The following LRP1B variants were observed in gnomAD, a reference collection of about 807,000 sequenced individuals.
LRP1B encodes LDL receptor related protein 1B, also known as low-density lipoprotein receptor-related protein 1B.
LRP1B carries 217 observed loss-of-function variants against 556.6 expected under a neutral mutation model. The ratio of observed to expected loss-of-function variants is 0.39; its 90% CI spans 0.35 to 0.44. The LOEUF is 0.44. LRP1B is among the 20% of genes least tolerant of loss of function. The pLI, the probability that LRP1B is intolerant of heterozygous loss-of-function variation, is 1.00. For synonymous variants in LRP1B, 2,047 were observed against 1,865.8 expected (o/e 1.10, Z -2.50); for missense variants, 5,053 against 5,620.8 (o/e 0.90, Z 3.23).
At chr2:140,295,330 A>C (rs2104995334) in intron 84 of LRP1B, among the ~76,000 whole-genome samples, 1 of 152,322 alleles carries the variant, frequency 6.6e-6, no homozygotes, top group South Asian at 2.1e-4. Context: ...ACATATGTCA[A>C]GGAAAGGCTA....
At chr2:140,769,094 G>T (rs972135481) in intron 35 of LRP1B, 119 bp downstream of exon 35, 6 of 889,538 alleles carry the variant, frequency 6.7e-6, no homozygotes, top group South Asian at 4.7e-5. Context: ...TTATCTATTT[G>T]CTGCTTTCTT....
intron 3 of LRP1B, among the ~76,000 whole-genome samples, chr2:141,410,802 G>T (rs181804899): frequency 6.6e-6 from 1 of 151,820 alleles, no homozygotes; most frequent in East Asian, 1.9e-4. Context: ...TCTCAAATTA[G>T]GTCATCATAG....
chr2:140,258,461 C>A (rs966825425), intron 86 of LRP1B, among the ~76,000 whole-genome samples: 3 of 152,118 alleles, frequency 2.0e-5, no homozygotes, highest in Non-Finnish European at 4.4e-5. Flanking sequence ...ACTGTCATTG[C>A]ACTACTAACC....
chr2:141,041,978 G>T (rs1698715973), intron 11 of LRP1B, among the ~76,000 whole-genome samples: 1 of 151,940 alleles, frequency 6.6e-6, no homozygotes, highest in Non-Finnish European at 1.5e-5. Context: ...AGAATCAAAG[G>T]TTCTGGGGAT....
intron 66 of LRP1B, among the ~76,000 whole-genome samples, chr2:140,437,944 A>G (rs138014812): frequency 5.6e-4 from 85 of 152,320 alleles, no homozygotes; most frequent in African/African-American, 1.9e-3. Context: ...CTTATATAAC[A>G]TGATACTTGT....
At chr2:141,959,588 A>G (rs1306754875) in intron 1 of LRP1B, among the ~76,000 whole-genome samples, 1 of 152,016 alleles carries the variant, frequency 6.6e-6, no homozygotes, top group Non-Finnish European at 1.5e-5. Context: ...AAACACATAG[A>G]TAACTTTACA....
chr2:141,541,611 C>G (rs1051913715), intron 2 of LRP1B, among the ~76,000 whole-genome samples: 4 of 151,972 alleles, frequency 2.6e-5, no homozygotes, highest in African/African-American at 7.2e-5. Flanking sequence ...TTCTCAGTCC[C>G]ATGTATTCAA....
chr2:141,343,025 C>G (rs926271254), intron 3 of LRP1B, among the ~76,000 whole-genome samples: 1 of 152,202 alleles, frequency 6.6e-6, no homozygotes, highest in Non-Finnish European at 1.5e-5. Context: ...CAGAGGGTCT[C>G]TCTGCAGAAA....
chr2:140,955,357 C>T (rs980092367), intron 18 of LRP1B, among the ~76,000 whole-genome samples: 14 of 151,832 alleles, frequency 9.2e-5, no homozygotes, highest in African/African-American at 2.2e-4. Context: ...AATGTCATTA[C>T]GAATTCTTAT....
At position 140,700,596 on chromosome 2, in the gene LRP1B, A is replaced by G. The variant is rs762463457; in HGVS notation, c.6453T>C (p.Asn2151=). The change falls in exon 41 of 91, where the codon AAT becomes AAC. Residue 2151 remains asparagine, a synonymous_variant. Transcript: ENST00000389484. ...AAAGACAGAGTTGCTTACAGCCACC[A>G]TTGTCCCTGGCACAAACATTGGTCC... is the stretch of plus-strand genomic sequence containing the variant. The part of the protein sequence containing the change: ...EKGTNVCARD[N]GGCKQLCLYR... 24 of 1,613,384 alleles carry G rather than the reference A, an allele frequency of 1.5e-5. No homozygotes were observed. The highest frequency in any genetic ancestry group is 1.3e-4 in the South Asian group (12 of 91,084).
At chr2:140,433,838 C>CTTTTT (rs1421358186) in intron 66 of LRP1B, among the ~76,000 whole-genome samples, 10 of 145,370 alleles carry the variant, frequency 6.9e-5, no homozygotes, top group Admixed American at 3.4e-4. Flanking sequence ...TTTTTTTCTT[C>CTTTTT]TTTTTTTTTC....
At chr2:141,229,145 G>C (rs774727304) in intron 6 of LRP1B, 38 bp downstream of exon 6, 7 of 1,603,152 alleles carry the variant, frequency 4.4e-6, no homozygotes, top group Non-Finnish European at 6.0e-6. Flanking sequence ...AATGAAATCA[G>C]TAAAGGGTGG....
intron 2 of LRP1B, among the ~76,000 whole-genome samples, chr2:141,660,954 A>G (rs962625360): frequency 6.6e-6 from 1 of 152,122 alleles, no homozygotes; most frequent in Admixed American, 6.5e-5. Context: ...ACAAGCTCCC[A>G]GAGGAAGAAT....
chr2:140,696,716 A>G (rs12624056), intron 41 of LRP1B, among the ~76,000 whole-genome samples: 90,067 of 151,752 alleles, frequency 0.59, 28,203 homozygotes, highest in Middle Eastern at 0.74. Flanking sequence ...CGCAAACCCT[A>G]TTATGAGGGA....
chr2:141,389,194 T>C lies in LRP1B; in HGVS notation c.343+91202A>G, dbSNP rs534257343. On this transcript the variant is annotated intron_variant, in intron 3 of 90. Transcript: ENST00000389484. ...CGAAAGAACCTAGAATAAGAACAAATTGGAGGACTCATGTCCTGATTTCAA... is the reference window on the plus strand; with the variant it reads ...CGAAAGAACCTAGAATAAGAACAAACTGGAGGACTCATGTCCTGATTTCAA... 1.6e-3 allele frequency among the ~76,000 whole-genome samples: 236 copies of C among 152,220 alleles called. 2 individuals are homozygous for C. Among genetic ancestry groups the C allele is most frequent in the Non-Finnish European group, 2.8e-3 (188 of 68,008 alleles).
intron 2 of LRP1B, among the ~76,000 whole-genome samples, chr2:141,622,735 T>C (rs1688547343): frequency 6.6e-6 from 1 of 151,934 alleles, no homozygotes; most frequent in Admixed American, 6.6e-5. Flanking sequence ...AACTATCCTA[T>C]TTTTTGCGTG....
chr2:141,694,249 GAATAGAA>G (rs1341281788), intron 2 of LRP1B, among the ~76,000 whole-genome samples: 5 of 151,994 alleles, frequency 3.3e-5, no homozygotes, highest in African/African-American at 1.2e-4. Flanking sequence ...GTGCCTTTCA[GAATAGAA>G]AAGGCTGGGC....
At chr2:140,466,542 T>C (rs1052954342) in intron 60 of LRP1B, among the ~76,000 whole-genome samples, 1 of 152,154 alleles carries the variant, frequency 6.6e-6, no homozygotes, top group African/African-American at 2.4e-5. Flanking sequence ...ATATAATTGC[T>C]AGAAATTTTA....
rs2105293358 is a variant in LRP1B, at chr2:141,229,211, C to T, written c.822G>A (p.Trp274Ter). ...GGAAGGATTGAAGAATATTGATTGT[C>T]CATTCATCTGTTAATCCTCCTGCTT... is the stretch of plus-strand genomic sequence containing the variant. Reference protein sequence around the residue: ...ITKAGGLTDEWTINILQSFHN... With the variant: ...ITKAGGLTDE Residue 274 changes from tryptophan (W) to a stop codon, truncating the protein, a stop_gained, in exon 6 of 91, where the codon TGG becomes TGA. Coordinates refer to ENST00000389484, the MANE Select transcript of LRP1B (RefSeq NM_018557.3). LOFTEE classifies it high-confidence loss of function. The T allele has an allele frequency of 6.2e-7, 1 of 1,612,968 alleles. No individual in the cohort carries two copies. The highest frequency in any genetic ancestry group is 2.2e-5 in the East Asian group (1 of 44,744).
Sources: gnomAD v4.1 joint callset for allele counts (sites outside exome capture counted in the v4.1 genomes callset) on GRCh38, gnomAD v4.1.1 for gene constraint, MANE v1.5 for transcripts, NCBI Gene and HGNC (gene_info 2026-07-23, HGNC 2026-07-21) for gene names.